Variants in ZBTB37 observed in about 807,000 individuals in gnomAD.
ZBTB37 encodes the protein zinc finger and BTB domain containing 37.
In ZBTB37, 15 loss-of-function variants were observed where a neutral mutation model predicts 37.7. The observed-to-expected ratio is 0.40, with a 90% CI of 0.27 to 0.61. The LOEUF (loss-of-function observed/expected upper bound fraction) is 0.61. Among genes scored for constraint, ZBTB37 ranks in the 20% least tolerant of loss-of-function variants. The probability of loss-of-function intolerance (pLI) is 0.44; values close to 1 mark genes in which losing one functional copy is unlikely to be tolerated. For synonymous variants in ZBTB37, 231 were observed against 220.6 expected (o/e 1.05, Z -0.42); for missense variants, 514 against 641.9 (o/e 0.80, Z 2.15).
At chr1:173,873,791 G>T in intron 4 of ZBTB37, 1 of 612,458 alleles carries the variant, frequency 1.6e-6, no homozygotes. Flanking sequence ...AAGCATAGAT[G>T]CAAATATTTT....
intron 2 of ZBTB37, among the ~76,000 whole-genome samples, chr1:173,869,614 A>C (rs896957713): frequency 4.0e-5 from 6 of 150,548 alleles, no homozygotes; most frequent in Non-Finnish European, 7.4e-5. Flanking sequence ...TTTTTCCTAG[A>C]GTTTGCTTCA....
exon 4 of ZBTB37, chr1:173,899,193 C>T (rs927964960): frequency 6.6e-6 from 1 of 151,968 alleles, no homozygotes; most frequent in Non-Finnish European, 1.5e-5. Flanking sequence ...TTTACCACGA[C>T]TATTTTTTTT....
exon 4 of ZBTB37, chr1:173,900,308 T>C (rs574121971): frequency 1.2e-4 from 18 of 152,348 alleles, no homozygotes; most frequent in African/African-American, 3.4e-4. Context: ...GGATCTTTCT[T>C]CTGGGATGTC....
At chr1:173,875,096 G>A (rs994392374) in intron 4 of ZBTB37, among the ~76,000 whole-genome samples, 3 of 146,350 alleles carry the variant, frequency 2.0e-5, no homozygotes, top group African/African-American at 7.6e-5. Context: ...TTAGGACCTG[G>A]AATCGAAAGT....
At chr1:173,872,079 T>A (rs577552194) in intron 3 of ZBTB37, among the ~76,000 whole-genome samples, 3 of 152,326 alleles carry the variant, frequency 2.0e-5, no homozygotes, top group Admixed American at 6.5e-5. Context: ...ATTTTATTTA[T>A]TTTATTTGAG....
exon 4 of ZBTB37, chr1:173,894,978 A>T (rs1254536745): frequency 2.6e-5 from 4 of 152,164 alleles, no homozygotes; most frequent in African/African-American, 7.2e-5. Flanking sequence ...CATTTATCTT[A>T]TAGCAAAATT....
At chr1:173,877,993 C>T (rs1256578295) in intron 4 of ZBTB37, among the ~76,000 whole-genome samples, 1 of 152,192 alleles carries the variant, frequency 6.6e-6, no homozygotes, top group Non-Finnish European at 1.5e-5. Flanking sequence ...AAGTGATTTA[C>T]AGTCTTTTTA....
exon 4 of ZBTB37, chr1:173,896,595 A>G (rs1023474630): frequency 6.6e-6 from 1 of 152,220 alleles, no homozygotes; most frequent in African/African-American, 2.4e-5. Context: ...GAAAAAGGGG[A>G]ACCTTGTAGA....
chr1:173,876,872 A>G (rs1162975804), intron 4 of ZBTB37, among the ~76,000 whole-genome samples: 3 of 152,146 alleles, frequency 2.0e-5, no homozygotes, highest in African/African-American at 4.8e-5. Flanking sequence ...ATGCTAGACC[A>G]TTTTGTCATT....
chr1:173,885,884 A>G, exon 5 of ZBTB37: 1 of 1,551,898 alleles, frequency 6.4e-7, no homozygotes, highest in African/African-American at 1.4e-5. Flanking sequence ...GCAAGCACAC[A>G]GGCAACAAGC....
chr1:173,881,969 G>C (rs1656336936), intron 4 of ZBTB37, among the ~76,000 whole-genome samples: 1 of 151,668 alleles, frequency 6.6e-6, no homozygotes, highest in African/African-American at 2.4e-5. Context: ...CAGGAGAATG[G>C]CGTGAACCCG....
chr1:173,878,569 T>C (rs1276676003), intron 4 of ZBTB37, among the ~76,000 whole-genome samples: 4 of 152,182 alleles, frequency 2.6e-5, no homozygotes, highest in Non-Finnish European at 5.9e-5. Flanking sequence ...CTCTGTCTCC[T>C]GCAGTTCAGG....
At chr1:173,893,337 A>G (rs930027029) in exon 4 of ZBTB37, 1 of 152,272 alleles carries the variant, frequency 6.6e-6, no homozygotes, top group Non-Finnish European at 1.5e-5. Flanking sequence ...TTCCTCTTCT[A>G]TGAAATCACC....
chr1:173,897,012 T>C (rs1657076282), exon 4 of ZBTB37: 1 of 152,232 alleles, frequency 6.6e-6, no homozygotes, highest in Non-Finnish European at 1.5e-5. Context: ...ATCATGTAAC[T>C]CGAATTTTTT....
chr1:173,878,087 C>A (rs777723446), intron 4 of ZBTB37, among the ~76,000 whole-genome samples: 1 of 152,210 alleles, frequency 6.6e-6, no homozygotes, highest in Non-Finnish European at 1.5e-5. Context: ...TAAACTATTT[C>A]TCTTTCTGCA....
rs140346216 is a variant in ZBTB37, at chr1:173,873,597, G to A, written c.1023+31G>A. 161 of 1,613,064 alleles carry A rather than the reference G, an allele frequency of 1.0e-4. 1 individual carries two copies. In the African/African-American group the frequency reaches 1.9e-3, roughly 19 times the overall value. On this transcript the variant is annotated intron_variant, in intron 4 of 4. Transcript: ENST00000427304. The stretch of plus-strand genomic sequence containing the variant: ...GAGTTGTGGATTTAGAACTGCTTTG[G>A]TGGTTGGAGGAATTGCTACTGTGTA...
At chr1:173,901,575 T>A (rs1657261043) in exon 4 of ZBTB37, 1 of 152,184 alleles carries the variant, frequency 6.6e-6, no homozygotes, top group African/African-American at 2.4e-5. Flanking sequence ...AAATTTTCTA[T>A]TTTCTTTTAG....
intron 3 of ZBTB37, among the ~76,000 whole-genome samples, chr1:173,872,915 G>A (rs1452952272): frequency 6.6e-6 from 1 of 151,850 alleles, no homozygotes; most frequent in African/African-American, 2.4e-5. Context: ...GCTGAGGCAG[G>A]AGAATCGCTT....
At chr1:173,889,481 T>C (rs1257222972), downstream of ZBTB37, 1 of 152,236 alleles carries the variant, frequency 6.6e-6, no homozygotes, top group African/African-American at 2.4e-5. Context: ...TGGGACTGTT[T>C]TCATTTATTG....
Sources: allele counts gnomAD v4.1 joint callset (sites outside exome capture counted in the v4.1 genomes callset), GRCh38; gene constraint gnomAD v4.1.1; transcripts MANE v1.5; gene names NCBI Gene and HGNC (gene_info 2026-07-23, HGNC 2026-07-21).